UBN2: variants seen among roughly 807,000 people sequenced by gnomAD.
The protein encoded by UBN2 is ubinuclein 2, also known as ubinuclein-2.
Under a neutral mutation model 120.2 loss-of-function variants are expected in UBN2, and 35 were observed. The observed-to-expected ratio is 0.29, with a 90% confidence interval of 0.22 to 0.39. The LOEUF is 0.39. Among genes scored for constraint, UBN2 ranks in the 10% least tolerant of loss-of-function variants. The pLI is 1.00. For synonymous variants in UBN2, 661 were observed against 648.7 expected, an observed-to-expected ratio of 1.02 and a Z score of -0.29; for missense variants, 1,693 against 1,663.2, an observed-to-expected ratio of 1.02 and a Z score of -0.31.
intron 7 of UBN2, among the ~76,000 whole-genome samples, chr7:139,266,621 C>A (rs138238135): frequency 2.0e-5 from 3 of 152,172 alleles, no homozygotes; most frequent in Non-Finnish European, 1.5e-5. Context: ...CCAATAGTTA[C>A]AACTGCCAGA....
chr7:139,266,987 C>T (rs1316387946), intron 7 of UBN2, among the ~76,000 whole-genome samples: 1 of 152,098 alleles, frequency 6.6e-6, no homozygotes, highest in Admixed American at 6.6e-5. Context: ...TTATATTTAA[C>T]TTAGCAATAA....
the UBN2 span, among the ~76,000 whole-genome samples, chr7:139,317,240 G>A: frequency 2.0e-5 from 3 of 151,122 alleles, no homozygotes; most frequent in Non-Finnish European, 3.0e-5. Flanking sequence ...TGGAGTGCAC[G>A]GCTCACTGCA....
intron 2 of UBN2, among the ~76,000 whole-genome samples, chr7:139,238,042 T>C (rs1289266503): frequency 6.6e-6 from 1 of 152,252 alleles, no homozygotes; most frequent in Non-Finnish European, 1.5e-5. Flanking sequence ...TCAAATTTTC[T>C]AGTATTACTA....
chr7:139,254,879 C>T lies in UBN2; in HGVS notation c.663+2822C>T, dbSNP rs79486089. ...CTTGCCCGCATGCACACACTGCCTT[C>T]CCCCGCTCAGCATGCTGTACCACAG... On this transcript the variant is annotated intron_variant, in intron 3 of 17. Transcript: ENST00000473989. Among the ~76,000 whole-genome samples the T allele has an allele frequency of 3.2e-3, 490 of 152,322 alleles. 2 individuals carry two copies. Among genetic ancestry groups the T allele is most frequent in the African/African-American group, 0.011 (467 of 41,574 alleles).
chr7:139,317,148 AC>A, the UBN2 span, among the ~76,000 whole-genome samples: 2 of 151,776 alleles, frequency 1.3e-5, no homozygotes, highest in African/African-American at 4.8e-5. Flanking sequence ...TTGATGTTCC[AC>A]AAGACCTTTG....
intron 15 of UBN2, among the ~76,000 whole-genome samples, chr7:139,285,519 T>A (rs1797757372): frequency 6.6e-6 from 1 of 152,222 alleles, no homozygotes; most frequent in African/African-American, 2.4e-5. Flanking sequence ...TGGAGAAGTC[T>A]GAGGCCATTC....
At position 139,233,961 on chromosome 7, in the gene UBN2, C is replaced by T. The variant is rs1183634688; in HGVS notation, c.468+2009C>T. Among the ~76,000 whole-genome samples, 4 of 151,670 alleles carry T rather than the reference C, an allele frequency of 2.6e-5. No individual in the cohort carries two copies. The East Asian group carries it at 5.8e-4, about 22-fold the overall frequency. Reference sequence around the variant, plus strand: ...ATCAACCTTCTATTTTTTTCATATACCTCTGAACAAAACAAAATCCATTGT... The same window carrying T: ...ATCAACCTTCTATTTTTTTCATATATCTCTGAACAAAACAAAATCCATTGT... On this transcript the variant is annotated intron_variant, in intron 1 of 17. Coordinates refer to ENST00000473989, the MANE Select transcript of UBN2 (RefSeq NM_173569.4).
intron 15 of UBN2, among the ~76,000 whole-genome samples, chr7:139,285,427 G>A (rs10267272): frequency 0.084 from 12,816 of 152,196 alleles, 1,042 homozygotes; most frequent in Admixed American, 0.2. Context: ...TTGAGTAGGC[G>A]TAGCCTTCTT....
chr7:139,246,349 C>G (rs1454450337), intron 2 of UBN2, among the ~76,000 whole-genome samples: 1 of 152,092 alleles, frequency 6.6e-6, no homozygotes, highest in African/African-American at 2.4e-5. Flanking sequence ...TGAGCGGCAA[C>G]AGAGTGAGAC....
At chr7:139,293,704 A>G in intron 16 of UBN2, 185 bp from the exon 17 acceptor site, 1 of 648,678 alleles carries the variant, frequency 1.5e-6, no homozygotes, top group Non-Finnish European at 2.6e-6. Flanking sequence ...AGAGGAAGTC[A>G]GTTGTGTTGG....
the UBN2 span, among the ~76,000 whole-genome samples, chr7:139,313,692 C>T: frequency 6.6e-6 from 1 of 152,034 alleles, no homozygotes; most frequent in Non-Finnish European, 1.5e-5. Context: ...TAAGTCTTCT[C>T]CATTAAGGAT....
intron 2 of UBN2, among the ~76,000 whole-genome samples, chr7:139,245,345 A>C (rs557049162): frequency 6.6e-6 from 1 of 152,266 alleles, no homozygotes; most frequent in South Asian, 2.1e-4. Context: ...TATACCTGTA[A>C]GATCATTTTG....
chr7:139,288,499 G>A (rs1287698481), intron 15 of UBN2, among the ~76,000 whole-genome samples: 2 of 152,164 alleles, frequency 1.3e-5, no homozygotes, highest in Non-Finnish European at 2.9e-5. Context: ...GGTAGGTGAT[G>A]AGATCAGAGA....
At chr7:139,291,544 A>T (rs1797958983) in intron 15 of UBN2, among the ~76,000 whole-genome samples, 1 of 152,076 alleles carries the variant, frequency 6.6e-6, no homozygotes, top group Admixed American at 6.5e-5. Context: ...TTGATAAGTA[A>T]GTGCACATGG....
At chr7:139,265,419 A>G (rs1797066415) in intron 6 of UBN2, among the ~76,000 whole-genome samples, 1 of 152,200 alleles carries the variant, frequency 6.6e-6, no homozygotes, top group Admixed American at 6.5e-5. Context: ...TGGAGATTGC[A>G]GTAAGCCGAG....
chr7:139,237,253 C>T (rs1796188977), intron 2 of UBN2, among the ~76,000 whole-genome samples, 156 bp downstream of exon 2: 1 of 152,074 alleles, frequency 6.6e-6, no homozygotes, highest in African/African-American at 2.4e-5. Flanking sequence ...AATAAAGATT[C>T]CAACAGGCTT....
intron 15 of UBN2, among the ~76,000 whole-genome samples, chr7:139,291,980 G>C (rs1333255217): frequency 6.6e-6 from 1 of 152,156 alleles, no homozygotes; most frequent in East Asian, 1.9e-4. Flanking sequence ...CAGGCATTCT[G>C]GCTCACACTA....
chr7:139,259,518 A>G (rs1251673160), intron 5 of UBN2, 148 bp downstream of exon 5: 28 of 1,119,602 alleles, frequency 2.5e-5, no homozygotes, highest in Non-Finnish European at 3.4e-5. Context: ...GTTTAATAGT[A>G]TTGTAGTATT....
chr7:139,315,531 A>G, the UBN2 span: 2 of 152,100 alleles, frequency 1.3e-5, no homozygotes, highest in African/African-American at 4.8e-5. Flanking sequence ...CAGTTTACCC[A>G]TTCATCGGGT....
Sources: gnomAD v4.1 joint callset for allele counts (sites outside exome capture counted in the v4.1 genomes callset) on GRCh38, gnomAD v4.1.1 for gene constraint, MANE v1.5 for transcripts, NCBI Gene and HGNC (gene_info 2026-07-23, HGNC 2026-07-21) for gene names.